The following KRT82 variants were observed in gnomAD, a reference collection of about 807,000 sequenced individuals.
KRT82 encodes the protein keratin, type II cuticular Hb2.
Under a neutral mutation model 48.0 loss-of-function variants are expected in KRT82, and 44 were observed. The observed-to-expected ratio is 0.92, with a 90% CI of 0.72 to 1.18. The LOEUF is 1.18. Ranked by LOEUF, KRT82 falls within the 50% of genes most tolerant of loss-of-function variation. KRT82 has a pLI of 0.00. For missense variants in KRT82, 701 were observed against 671.4 expected, an observed-to-expected ratio of 1.04 and a Z score of -0.49; for synonymous variants, 297 against 278.3, an observed-to-expected ratio of 1.07 and a Z score of -0.67.
chr12:52,398,342 G>A (rs994028512), intron 5 of KRT82, among the ~76,000 whole-genome samples: 5 of 152,106 alleles, frequency 3.3e-5, no homozygotes, highest in Non-Finnish European at 1.5e-5. Flanking sequence ...CAAGAGGATG[G>A]AGCATGTATT....
chr12:52,399,887 G>A (rs577574945), intron 5 of KRT82, 98 bp downstream of exon 5: 7 of 1,264,794 alleles, frequency 5.5e-6, no homozygotes, highest in South Asian at 2.7e-5. Flanking sequence ...GCTCTCATTA[G>A]CTCCTCACCC....
At chr12:52,399,236 G>A (rs913600042) in intron 5 of KRT82, among the ~76,000 whole-genome samples, 3 of 152,162 alleles carry the variant, frequency 2.0e-5, no homozygotes, top group Admixed American at 6.5e-5. Context: ...CTGCACTTAT[G>A]TGCCTTGTTT....
chr12:52,397,060 A>T, intron 5 of KRT82, 52 bp from the exon 6 acceptor site: 2 of 1,599,208 alleles, frequency 1.3e-6, no homozygotes, highest in Non-Finnish European at 1.7e-6. Context: ...GGCATCTCCT[A>T]GCCTCTTTTC....
Position 52,405,909 on chromosome 12 carries a change from C to G in KRT82, c.369G>C (p.Gln123His). 1.2e-6 allele frequency: 2 copies of G among 1,613,938 alleles called. No homozygotes were observed. Among genetic ancestry groups the G allele is most frequent in the South Asian group, 1.1e-5 (1 of 91,002 alleles). The change falls in exon 1 of 9, where the codon CAG (glutamine) becomes CAC (histidine). Residue 123 changes from glutamine to histidine, a missense_variant. Coordinates refer to ENST00000257974, the MANE Select transcript of KRT82 (RefSeq NM_033033.4). ...VQRVKRDEKE[Q>H]IKCLNNRFAS... ...CGAAACGGTTGTTGAGGCACTTGATCTGCTCCTTCTCATCCCTCTTTACCC... is the reference window on the plus strand; with the variant it reads ...CGAAACGGTTGTTGAGGCACTTGATGTGCTCCTTCTCATCCCTCTTTACCC...
In KRT82 at chr12:52,396,906, C is replaced by T. The variant is rs780297338; in HGVS notation, c.1045G>A (p.Glu349Lys). The change falls in exon 6 of 9, where the codon GAA (glutamate) becomes AAA (lysine). Residue 349 changes from glutamate (E) to lysine (K), a missense_variant. Glu to Lys is a moderately conservative substitution (Grantham distance 56, BLOSUM62 1). Transcript: ENST00000257974. ...ACCTGGGCTTTGACATTCTCGGTTT[C>T]TTGCTGCAGCCGCTGGATCAGTTTA... ...MNKLIQRLQQ[E>K]TENVKAQRCK... is the part of the protein sequence containing the mutation. 51 of 1,614,172 alleles carry T rather than the reference C, an allele frequency of 3.2e-5. No homozygotes were observed. In the East Asian group the frequency reaches 6.0e-4, roughly 19 times the overall value.
At chr12:52,403,985 T>G in intron 1 of KRT82, 76 bp from the exon 2 acceptor site, 1 of 1,402,476 alleles carries the variant, frequency 7.1e-7, no homozygotes, top group Non-Finnish European at 9.8e-7. Context: ...ATGGAATGAG[T>G]TTCTGCCCTG....
Position 52,394,885 on chromosome 12 carries a change from T to C in KRT82, c.*90A>G. 8.7e-7 allele frequency: 1 copy of C among 1,150,318 alleles called. No individual in the cohort carries two copies. Among genetic ancestry groups the C allele is most frequent in the Non-Finnish European group, 1.3e-6 (1 of 773,236 alleles). 71.3% of individuals were successfully genotyped at this position (1,150,318 alleles called of 1,614,324 possible). On this transcript the variant is annotated 3_prime_UTR_variant, in exon 9 of 9. Transcript: ENST00000257974. ...TGGAGTCAATAAAGGGAGGTGGGGT[T>C]TTGGAACATCCTTGTCTTCAGCCCT...
rs779822337 is a variant in KRT82 at position 52,400,610 on chromosome 12, C to A, written c.694G>T (p.Ala232Ser). The change falls in exon 4 of 9, where the codon GCC (alanine) becomes TCC (serine). Residue 232 changes from alanine to serine, a missense_variant. Transcript: ENST00000257974. ...TCCAGGTCAGCCTTCATCAGGAAGGCTGTGTCCACGTCCTGCAGCAGAGCA... is the reference window on the plus strand; with the variant it reads ...TCCAGGTCAGCCTTCATCAGGAAGGATGTGTCCACGTCCTGCAGCAGAGCA... The part of the protein sequence containing the change: ...FVALKKDVDT[A>S]FLMKADLETN... 2 of 1,613,404 alleles carry A rather than the reference C, an allele frequency of 1.2e-6. No individual in the cohort carries two copies. The highest frequency in any genetic ancestry group is 2.2e-5 in the South Asian group (2 of 91,068).
Position 52,395,186 on chromosome 12 carries a change from C to A in KRT82, c.1331G>T (p.Ser444Ile), listed in dbSNP as rs781622951. ...CTCGTACAGGAAGGCGCCTTTGGAG[C>A]TGCTCACTGCTGTGGGAACAGGAAG... Reference protein sequence around the residue: ...GIGPVNISVSSSKGAFLYEPC... With the variant: ...GIGPVNISVSISKGAFLYEPC... Residue 444 changes from serine to isoleucine, a missense_variant, in exon 9 of 9, where the codon AGC (serine) becomes ATC (isoleucine). Transcript: ENST00000257974. 1 of 1,613,680 alleles carries A rather than the reference C, an allele frequency of 6.2e-7. No individual in the cohort carries two copies. Among genetic ancestry groups the A allele is most frequent in the East Asian group, 2.2e-5 (1 of 44,872 alleles).
intron 1 of KRT82, 55 bp downstream of exon 1, chr12:52,405,812 C>T (rs1261048465): frequency 1.3e-6 from 2 of 1,537,730 alleles, no homozygotes; most frequent in East Asian, 2.3e-5. Context: ...AGAACAAGAC[C>T]AGACCCCAGA....
In KRT82 at chr12:52,396,056, G is replaced by A. The variant is rs149421540; in HGVS notation, c.1245C>T (p.Ile415=). 37 of 1,614,026 alleles carry A rather than the reference G, an allele frequency of 2.3e-5. No individual in the cohort carries two copies. In the African/African-American group the frequency reaches 2.5e-4, roughly 11 times the overall value. The change falls in exon 7 of 9, where the codon ATC becomes ATT. Residue 415 remains isoleucine, a synonymous_variant. Transcript: ENST00000257974. ...GCAGGCGCCTGTAGGTGGCGATCTCGATGTCCAGGCCCAGCTTGGAGTTCA... is the reference window on the plus strand; with the variant it reads ...GCAGGCGCCTGTAGGTGGCGATCTCAATGTCCAGGCCCAGCTTGGAGTTCA... The part of the protein sequence containing the change: ...EVMNSKLGLD[I]EIATYRRLLE...
In KRT82 at chr12:52,404,613, A is replaced by G. The variant is rs568799104; in HGVS notation, c.412-704T>C. On this transcript the variant is annotated intron_variant, in intron 1 of 8. Coordinates refer to ENST00000257974, the MANE Select transcript of KRT82 (RefSeq NM_033033.4). ...CAGCCCTTGCTCTGGAATTTTCCAC[A>G]TCGTGCATTGTCTGTCAAGAAAACT... Among the ~76,000 whole-genome samples the G allele has an allele frequency of 1.4e-3, 215 of 152,312 alleles. 3 individuals carry two copies. The highest frequency in any genetic ancestry group is 0.01 in the South Asian group (50 of 4,822).
chr12:52,396,917 C>T lies in KRT82; in HGVS notation c.1034G>A (p.Arg345Gln), dbSNP rs769318337. The change falls in exon 6 of 9, where the codon CGG becomes CAG. Residue 345 changes from arginine to glutamine, a missense_variant. Coordinates refer to ENST00000257974, the MANE Select transcript of KRT82 (RefSeq NM_033033.4). Reference sequence around the variant, plus strand: ...GACATTCTCGGTTTCTTGCTGCAGCCGCTGGATCAGTTTATTCATTTCCAG... The same window carrying T: ...GACATTCTCGGTTTCTTGCTGCAGCTGCTGGATCAGTTTATTCATTTCCAG... ...EILEMNKLIQ[R>Q]LQQETENVKA... 1.9e-5 allele frequency: 31 copies of T among 1,614,014 alleles called. No homozygotes were observed. The highest frequency in any genetic ancestry group is 8.3e-5 in the Admixed American group (5 of 60,008).
At position 52,406,019 on chromosome 12, in the gene KRT82, C is replaced by T. The variant is rs1939848801; in HGVS notation, c.259G>A (p.Gly87Arg). ...ACAGGGGTGATGCAGGCAGAAGGCC[C>T]ACAGGTGGCTCCCAGTCGGTACCCG... Reference protein sequence around the residue: ...GFGYRLGATCGPSACITPVTI... With the variant: ...GFGYRLGATCRPSACITPVTI... Residue 87 changes from glycine to arginine, a missense_variant, in exon 1 of 9, where the codon GGG becomes AGG. Gly to Arg is a moderately radical substitution (Grantham distance 125). Transcript: ENST00000257974. The T allele has an allele frequency of 6.2e-7, 1 of 1,614,214 alleles. No homozygotes were observed. Among genetic ancestry groups the T allele is most frequent in the African/African-American group, 1.3e-5 (1 of 75,058 alleles).
chr12:52,403,766 C>T lies in KRT82; in HGVS notation c.555G>A (p.Gly185=), dbSNP rs1320116787. Residue 185 remains glycine, a synonymous_variant, in exon 2 of 9, where the codon GGG becomes GGA. Transcript: ENST00000257974. Reference sequence around the variant, plus strand: ...GCTCTGACTCTAGCCTCACGCGGTCCCCGGACACACAGTCCAGCTGCCGCC... The same window carrying T: ...GCTCTGACTCTAGCCTCACGCGGTCTCCGGACACACAGTCCAGCTGCCGCC... ...ALRRQLDCVS[G]DRVRLESELC... is the part of the protein sequence containing the mutation. 1.2e-6 allele frequency: 2 copies of T among 1,613,500 alleles called. No homozygotes were observed. Among genetic ancestry groups the T allele is most frequent in the Admixed American group, 1.7e-5 (1 of 60,030 alleles).
At chr12:52,405,518 C>T (rs1442784670) in intron 1 of KRT82, among the ~76,000 whole-genome samples, 1 of 152,216 alleles carries the variant, frequency 6.6e-6, no homozygotes, top group Non-Finnish European at 1.5e-5. Flanking sequence ...ACTGTTAAAG[C>T]CTCATCAGGA....
chr12:52,400,200 A>C (rs768863669), intron 4 of KRT82, 51 bp from the exon 5 acceptor site: 2 of 1,570,394 alleles, frequency 1.3e-6, no homozygotes, highest in Non-Finnish European at 8.7e-7. Flanking sequence ...GCGTCCGGGG[A>C]CAGGAGAAGG....
In KRT82 at chr12:52,400,640, C is replaced by G; in HGVS notation, c.682-18G>C. ...TCCACGTCCTGCAGCAGAGCAGGGA[C>G]AGAATGTGACCTGGCTGGGCCACCT... On this transcript the variant is annotated intron_variant, in intron 3 of 8. Coordinates refer to ENST00000257974, the MANE Select transcript of KRT82 (RefSeq NM_033033.4). The G allele has an allele frequency of 6.3e-7, 1 of 1,589,086 alleles. No homozygotes were observed. Among genetic ancestry groups the G allele is most frequent in the Non-Finnish European group, 8.6e-7 (1 of 1,157,548 alleles).
intron 8 of KRT82, among the ~76,000 whole-genome samples, chr12:52,395,424 T>C (rs2701135): frequency 0.42 from 63,709 of 151,766 alleles, 14,047 homozygotes; most frequent in Non-Finnish European, 0.49. Flanking sequence ...CAGGCTGGAT[T>C]CAGCTTCACC....
Sources: gnomAD v4.1 joint callset for allele counts (sites outside exome capture counted in the v4.1 genomes callset) on GRCh38, gnomAD v4.1.1 for gene constraint, MANE v1.5 for transcripts, NCBI Gene and HGNC (gene_info 2026-07-23, HGNC 2026-07-21) for gene names.